The following LIMA1 variants were observed in gnomAD, a reference collection of about 807,000 sequenced individuals.
The protein encoded by LIMA1 is LIM domain and actin-binding protein 1.
Under a neutral mutation model 62.6 loss-of-function variants are expected in LIMA1, and 52 were observed. That is an observed-to-expected ratio of 0.83 (90% CI 0.67 to 1.05). The LOEUF is 1.05. Ranked by LOEUF, LIMA1 falls within the 50% of genes least tolerant of loss-of-function variation. LIMA1 has a pLI of 0.00. For missense variants in LIMA1, 780 were observed against 902.2 expected, an observed-to-expected ratio of 0.86 and a Z score of 1.74; for synonymous variants, 302 against 317.8, an observed-to-expected ratio of 0.95 and a Z score of 0.53.
intron 2 of LIMA1, among the ~76,000 whole-genome samples, chr12:50,232,022 C>T (rs1941618971): frequency 6.7e-6 from 1 of 149,988 alleles, no homozygotes. Flanking sequence ...CCTGCCTCGG[C>T]CTCCCAAAGT....
rs117640816 is a variant in LIMA1 at position 50,247,228 on chromosome 12, C to T, written c.119+1405G>A. Among the ~76,000 whole-genome samples, 758 of 152,180 alleles carry T rather than the reference C, an allele frequency of 5.0e-3. 3 individuals are homozygous for T. Among genetic ancestry groups the T allele is most frequent in the Non-Finnish European group, 6.7e-3 (454 of 67,996 alleles). Reference sequence around the variant, plus strand: ...GAAGGTGGAGTCAAATTGCCCTTCCCCGAAATGAGTCAGCTTTAGTGACTC... The same window carrying T: ...GAAGGTGGAGTCAAATTGCCCTTCCTCGAAATGAGTCAGCTTTAGTGACTC... On this transcript the variant is annotated intron_variant, in intron 2 of 10. Coordinates refer to ENST00000341247, the MANE Select transcript of LIMA1 (RefSeq NM_016357.5).
At chr12:50,180,195 G>A (rs373442677) in intron 10 of LIMA1, among the ~76,000 whole-genome samples, 1 of 152,052 alleles carries the variant, frequency 6.6e-6, no homozygotes, top group Non-Finnish European at 1.5e-5. Flanking sequence ...AACCACTCGG[G>A]AGGCTGAGGC....
chr12:50,265,399 A>G (rs571530807), intron 1 of LIMA1, among the ~76,000 whole-genome samples: 8 of 152,178 alleles, frequency 5.3e-5, no homozygotes, highest in African/African-American at 1.7e-4. Flanking sequence ...GCATGCCTGT[A>G]ATCCCAGCTA....
At chr12:50,198,735 CTCATT>C (rs751318854) in intron 7 of LIMA1, among the ~76,000 whole-genome samples, 2 of 152,164 alleles carry the variant, frequency 1.3e-5, no homozygotes, top group African/African-American at 2.4e-5. Flanking sequence ...TTCTCCTCAT[CTCATT>C]TAACATTCGA....
At position 50,177,404 on chromosome 12, in the gene LIMA1, T is replaced by C; in HGVS notation, c.1940A>G (p.Asn647Ser). ...GTTTTGCCAGGTTGTTTTTCCCACA[T>C]TCCCATTCTTCTTAGAAGCCTTGGC... ...ENAKASKKNG[N>S]VGKTTWQNKE... Residue 647 changes from asparagine (N) to serine (S), a missense_variant, in exon 11 of 11, where the codon AAT (asparagine) becomes AGT (serine). By Grantham distance (46) the Asn-to-Ser change is conservative (BLOSUM62 1). Transcript: ENST00000341247. The C allele has an allele frequency of 6.2e-7, 1 of 1,614,174 alleles. No homozygotes were observed. The highest frequency in any genetic ancestry group is 8.5e-7 in the Non-Finnish European group (1 of 1,180,026).
chr12:50,256,511 C>T (rs191297155), intron 1 of LIMA1, among the ~76,000 whole-genome samples: 1 of 152,196 alleles, frequency 6.6e-6, no homozygotes, highest in Admixed American at 6.5e-5. Context: ...ATTGAAATTC[C>T]ACCAGTTTTT....
chr12:50,193,688 A>G (rs1165961008), intron 8 of LIMA1, among the ~76,000 whole-genome samples: 15 of 70,228 alleles, frequency 2.1e-4, no homozygotes, highest in South Asian at 3.9e-4. Context: ...TTTTTTTTTC[A>G]GAGTCTCACT....
At chr12:50,183,937 G>A (rs1940569697) in intron 9 of LIMA1, among the ~76,000 whole-genome samples, 1 of 152,030 alleles carries the variant, frequency 6.6e-6, no homozygotes, top group South Asian at 2.1e-4. Flanking sequence ...GTAGATTTGG[G>A]CAGGAAGTGA....
In LIMA1 at chr12:50,177,507, T is replaced by C. The variant is rs1940374077; in HGVS notation, c.1837A>G (p.Arg613Gly). 2 of 1,612,876 alleles carry C rather than the reference T, an allele frequency of 1.2e-6. No individual in the cohort carries two copies. The highest frequency in any genetic ancestry group is 1.7e-6 in the Non-Finnish European group (2 of 1,179,452). The change falls in exon 11 of 11, where the codon AGG (arginine) becomes GGG (glycine). Residue 613 changes from arginine (R) to glycine (G), a missense_variant. Transcript: ENST00000341247. ...KSPKTVSPPI[R>G]KGWSMSEQSE... ...TGCTCTGACATGCTCCAGCCTTTCC[T>C]GATAGGTGGGGACACAGTTTTTGGG... is the stretch of plus-strand genomic sequence containing the variant.
intron 4 of LIMA1, among the ~76,000 whole-genome samples, chr12:50,211,840 G>C (rs1941262847): frequency 6.6e-6 from 1 of 152,056 alleles, no homozygotes; most frequent in East Asian, 1.9e-4. Flanking sequence ...ATACTCTTCT[G>C]TAACAGACTT....
At chr12:50,279,580 A>G (rs934143222) in intron 1 of LIMA1, among the ~76,000 whole-genome samples, 2 of 152,186 alleles carry the variant, frequency 1.3e-5, no homozygotes, top group Non-Finnish European at 2.9e-5. Context: ...TTAAGGGGCA[A>G]AAAGACTGAG....
intron 1 of LIMA1, among the ~76,000 whole-genome samples, chr12:50,255,899 T>G (rs1388370828): frequency 1.3e-5 from 2 of 151,312 alleles, no homozygotes; most frequent in Non-Finnish European, 3.0e-5. Flanking sequence ...AGTTATTTAT[T>G]TTTTTTTTGA....
chr12:50,197,946 C>CCTCATGG (rs1175986853), intron 7 of LIMA1, among the ~76,000 whole-genome samples: 1 of 152,038 alleles, frequency 6.6e-6, no homozygotes, highest in Non-Finnish European at 1.5e-5. Flanking sequence ...ATGGCATGTG[C>CCTCATGG]CTCATGGGCT....
chr12:50,257,920 T>C (rs1310857676), intron 1 of LIMA1, among the ~76,000 whole-genome samples: 3 of 152,342 alleles, frequency 2.0e-5, no homozygotes, highest in Non-Finnish European at 2.9e-5. Flanking sequence ...TTAGGATGGT[T>C]TCATAGATAG....
At chr12:50,210,145 G>A (rs947514652) in intron 4 of LIMA1, among the ~76,000 whole-genome samples, 8 of 152,152 alleles carry the variant, frequency 5.3e-5, no homozygotes, top group East Asian at 3.9e-4. Flanking sequence ...AAAAGGGGCC[G>A]GGTGCAGTGG....
chr12:50,257,261 A>G (rs1336415888), intron 1 of LIMA1, among the ~76,000 whole-genome samples: 1 of 152,198 alleles, frequency 6.6e-6, no homozygotes, highest in Non-Finnish European at 1.5e-5. Context: ...AAGATTTTAC[A>G]TTACTTAGAA....
At chr12:50,191,722 C>T (rs1940777222) in intron 9 of LIMA1, among the ~76,000 whole-genome samples, 2 of 151,984 alleles carry the variant, frequency 1.3e-5, no homozygotes, top group South Asian at 2.1e-4. Flanking sequence ...CTCGGGAGGC[C>T]GAGGTAGGAG....
intron 2 of LIMA1, among the ~76,000 whole-genome samples, chr12:50,246,893 G>T (rs1941857326): frequency 6.6e-6 from 1 of 152,136 alleles, no homozygotes; most frequent in Non-Finnish European, 1.5e-5. Context: ...TTCCCTGAAG[G>T]TAAAAATTAC....
intron 4 of LIMA1, among the ~76,000 whole-genome samples, chr12:50,207,078 C>A (rs373142083): frequency 6.6e-6 from 1 of 152,106 alleles, no homozygotes; most frequent in South Asian, 2.1e-4. Context: ...GCGCCTGCCA[C>A]CATGCTCAGC....
Sources: allele counts gnomAD v4.1 joint callset (sites outside exome capture counted in the v4.1 genomes callset), GRCh38; gene constraint gnomAD v4.1.1; transcripts MANE v1.5; gene names NCBI Gene and HGNC (gene_info 2026-07-23, HGNC 2026-07-21).